Variants in UTP6 observed in about 807,000 individuals in gnomAD.
UTP6 encodes UTP6 small subunit processome component, also known as U3 small nucleolar RNA-associated protein 6 homolog.
Under a neutral mutation model 96.5 loss-of-function variants are expected in UTP6, and 60 were observed. That is an observed-to-expected ratio of 0.62 (90% confidence interval 0.51 to 0.77). The LOEUF (loss-of-function observed/expected upper bound fraction) is 0.77, where lower values mean the gene tolerates loss of function less well. UTP6 is among the 30% of genes least tolerant of loss of function. The pLI, the probability that UTP6 is intolerant of heterozygous loss-of-function variation, is 0.00. For synonymous variants in UTP6, 215 were observed against 240.1 expected (o/e 0.90, Z 0.96); for missense variants, 637 against 706.5 (o/e 0.90, Z 1.12).
chr17:31,874,545 C>CA (rs1910375619), intron 14 of UTP6, among the ~76,000 whole-genome samples: 1 of 54,902 alleles, frequency 1.8e-5, no homozygotes, highest in Admixed American at 1.8e-4. Context: ...GACTTCATCT[C>CA]AAAAAAAAGG....
intron 2 of UTP6, among the ~76,000 whole-genome samples, chr17:31,895,825 T>G (rs1904603032): frequency 1.3e-5 from 2 of 151,588 alleles, no homozygotes; most frequent in South Asian, 4.2e-4. Context: ...TGAGCCACCG[T>G]GCCCGGCCCA....
chr17:31,868,623 G>T (rs967520635), intron 16 of UTP6, among the ~76,000 whole-genome samples: 5 of 151,906 alleles, frequency 3.3e-5, no homozygotes, highest in African/African-American at 1.2e-4. Flanking sequence ...GCACCACCAT[G>T]CCTGGTTTAA....
intron 1 of UTP6, among the ~76,000 whole-genome samples, chr17:31,900,657 G>A (rs1413625932): frequency 6.6e-6 from 1 of 152,082 alleles, no homozygotes; most frequent in African/African-American, 2.4e-5. Flanking sequence ...ATTTCTTTCC[G>A]AAATTCCTCT....
rs1248618333 is a variant in UTP6 at position 31,862,894 on chromosome 17, T to G, written c.*465A>C. On this transcript the variant is annotated 3_prime_UTR_variant, in exon 19 of 19. Coordinates refer to ENST00000261708, the MANE Select transcript of UTP6 (RefSeq NM_018428.3). ...TGGCCACTTTCTCCTTCATTTTAACTGGCTCTTAGGTCGAGATTAGAGATA... is the reference window on the plus strand; with the variant it reads ...TGGCCACTTTCTCCTTCATTTTAACGGGCTCTTAGGTCGAGATTAGAGATA... 6.5e-6 allele frequency: 1 copy of G among 154,356 alleles called. No homozygotes were observed. Among genetic ancestry groups the G allele is most frequent in the Non-Finnish European group, 1.4e-5 (1 of 69,384 alleles). 9.6% of individuals were successfully genotyped at this position (154,356 alleles called of 1,614,324 possible). A position where few individuals can be genotyped will look rare whatever the true frequency, so the allele number is the denominator to read the frequency against.
intron 7 of UTP6, 146 bp downstream of exon 7, chr17:31,889,139 T>C: frequency 1.9e-6 from 1 of 529,380 alleles, no homozygotes; most frequent in Non-Finnish European, 3.3e-6. Flanking sequence ...ACAAAAAAAA[T>C]AGCCAGGTAT....
intron 2 of UTP6, among the ~76,000 whole-genome samples, chr17:31,897,443 C>CTTTTT (rs397857995): frequency 2.4e-4 from 25 of 103,192 alleles, no homozygotes; most frequent in Middle Eastern, 6.6e-3. Context: ...AACTTCTAGT[C>CTTTTT]TTTTTTTTTT....
intron 7 of UTP6, chr17:31,887,925 C>T (rs1295290812): frequency 7.3e-6 from 1 of 136,154 alleles, no homozygotes; most frequent in African/African-American, 2.8e-5. Flanking sequence ...CACACCATTG[C>T]ACTCCTGCCT....
chr17:31,901,140 C>G (rs1296639104), intron 1 of UTP6, among the ~76,000 whole-genome samples: 1 of 152,194 alleles, frequency 6.6e-6, no homozygotes, highest in Admixed American at 6.5e-5. Context: ...TCCCCCTGGG[C>G]TCTCACAGCA....
intron 8 of UTP6, 43 bp downstream of exon 8, chr17:31,887,193 T>C: frequency 6.5e-7 from 1 of 1,535,148 alleles, no homozygotes; most frequent in South Asian, 1.1e-5. Flanking sequence ...CTCAAAATGT[T>C]ATACATCGTT....
At chr17:31,869,605 C>G (rs1910038818) in intron 16 of UTP6, among the ~76,000 whole-genome samples, 1 of 152,208 alleles carries the variant, frequency 6.6e-6, no homozygotes, top group African/African-American at 2.4e-5. Context: ...CCACCTCAGC[C>G]TCCTAAAGCA....
chr17:31,886,184 C>A, intron 8 of UTP6, 123 bp from the exon 9 acceptor site: 2 of 723,596 alleles, frequency 2.8e-6, no homozygotes, highest in Admixed American at 2.7e-5. Context: ...GTCTCTCTCT[C>A]CGGGCCAGTT....
intron 13 of UTP6, among the ~76,000 whole-genome samples, 153 bp from the exon 14 acceptor site, chr17:31,875,566 T>C (rs1354171610): frequency 6.6e-6 from 1 of 152,116 alleles, no homozygotes; most frequent in Admixed American, 6.6e-5. Flanking sequence ...GGCTCACACC[T>C]GTAACCCCAG....
chr17:31,878,117 A>T, intron 13 of UTP6, 133 bp downstream of exon 13: 1 of 794,684 alleles, frequency 1.3e-6, no homozygotes, highest in Admixed American at 2.5e-5. Flanking sequence ...AACACATATA[A>T]ACACACTTCA....
intron 8 of UTP6, among the ~76,000 whole-genome samples, 176 bp downstream of exon 8, chr17:31,887,060 T>G (rs1415795572): frequency 2.0e-5 from 3 of 152,058 alleles, no homozygotes; most frequent in African/African-American, 7.2e-5. Context: ...GAGGCAGAGG[T>G]TGCAGTGAGC....
In UTP6 at chr17:31,866,286, C is replaced by CA. The variant is rs869110895; in HGVS notation, c.1564-849dup. On this transcript the variant is annotated intron_variant, in intron 17 of 18. Transcript: ENST00000261708. Reference sequence around the variant, plus strand: ...TGGGCGACAGAGCGAGACTCTGTCTCAAAAAAAAAAAAAAAAAAAAGTATT... The same window carrying CA: ...TGGGCGACAGAGCGAGACTCTGTCTCAAAAAAAAAAAAAAAAAAAAAGTATT... Among the ~76,000 whole-genome samples the CA allele has an allele frequency of 8.0e-3, 464 of 57,718 alleles. 3 individuals carry two copies. Among genetic ancestry groups the CA allele is most frequent in the Middle Eastern group, 0.022 (2 of 92 alleles). 37.9% of individuals were successfully genotyped at this position (57,718 alleles called of 152,430 possible). A position where few individuals can be genotyped will look rare whatever the true frequency, so the allele number is the denominator to read the frequency against.
At chr17:31,897,431 A>C (rs1378104762) in intron 2 of UTP6, among the ~76,000 whole-genome samples, 1 of 150,668 alleles carries the variant, frequency 6.6e-6, no homozygotes, top group Non-Finnish European at 1.5e-5. Context: ...ATCTAAGCTC[A>C]AAACTTCTAG....
In UTP6 at chr17:31,878,123, C is replaced by A. The variant is rs1910606255; in HGVS notation, c.1125+127G>T. 3 of 843,078 alleles carry A rather than the reference C, an allele frequency of 3.6e-6. No individual in the cohort carries two copies. The South Asian group carries it at 5.0e-5, about 14-fold the overall frequency. The allele number at this position is 843,078 out of a possible 1,614,324, so 52.2% of individuals were successfully genotyped here. On this transcript the variant is annotated intron_variant, in intron 13 of 18. Coordinates refer to ENST00000261708, the MANE Select transcript of UTP6 (RefSeq NM_018428.3). ...ATACTGGGAAACACATATAAACACA[C>A]TTCACATACCGAACTCCCAAGTGGC...
At chr17:31,893,090 G>T (rs144119986) in intron 4 of UTP6, among the ~76,000 whole-genome samples, 3 of 152,040 alleles carry the variant, frequency 2.0e-5, no homozygotes, top group Admixed American at 6.6e-5. Flanking sequence ...GTCAAATATG[G>T]TGAAACCCCG....
intron 13 of UTP6, among the ~76,000 whole-genome samples, chr17:31,877,337 ACAGTATATAAT>A (rs1468226798): frequency 6.6e-6 from 1 of 152,240 alleles, no homozygotes; most frequent in Non-Finnish European, 1.5e-5. Flanking sequence ...AAATTAAATG[ACAGTATATAAT>A]CAGTACATTC....
Sources: gnomAD v4.1 joint callset for allele counts (sites outside exome capture counted in the v4.1 genomes callset) on GRCh38, gnomAD v4.1.1 for gene constraint, MANE v1.5 for transcripts, NCBI Gene and HGNC (gene_info 2026-07-23, HGNC 2026-07-21) for gene names.